The following RICTOR variants were observed in gnomAD, a reference collection of about 807,000 sequenced individuals.
RICTOR encodes the protein RPTOR independent companion of MTOR complex 2.
RICTOR carries 49 observed loss-of-function variants against 214.9 expected under a neutral mutation model. The ratio of observed to expected loss-of-function variants is 0.23; its 90% confidence interval spans 0.18 to 0.29. RICTOR has a LOEUF of 0.29. RICTOR is among the 10% of genes least tolerant of loss of function. RICTOR has a pLI of 1.00. For synonymous variants in RICTOR, 717 were observed against 711.3 expected (o/e 1.01, Z -0.13); for missense variants, 1,625 against 2,047.0 (o/e 0.79, Z 3.98).
chr5:39,003,698 C>G (rs1753818431), intron 3 of RICTOR, 76 bp from the exon 4 acceptor site: 1 of 813,240 alleles, frequency 1.2e-6, no homozygotes, highest in African/African-American at 1.8e-5. Context: ...TATATTTACA[C>G]TGGAAAATAA....
intron 6 of RICTOR, among the ~76,000 whole-genome samples, chr5:38,992,630 T>C (rs1018230150): frequency 3.3e-5 from 5 of 152,194 alleles, no homozygotes; most frequent in African/African-American, 1.2e-4. Context: ...ACTAAACATA[T>C]ACTTAATTCA....
intron 5 of RICTOR, 26 bp from the exon 6 acceptor site, chr5:38,996,908 A>G (rs1753219691): frequency 3.3e-6 from 5 of 1,537,942 alleles, no homozygotes; most frequent in Non-Finnish European, 4.5e-6. Flanking sequence ...AATATTAATC[A>G]TTGATAAAAT....
chr5:39,016,374 T>G (rs1754949006), intron 3 of RICTOR, among the ~76,000 whole-genome samples: 1 of 146,034 alleles, frequency 6.8e-6, no homozygotes, highest in Non-Finnish European at 1.5e-5. Flanking sequence ...AAGAGAAAGG[T>G]GACAAGGAAG....
At chr5:38,990,636 TGACATATATCA>T (rs1561501645) in intron 7 of RICTOR, among the ~76,000 whole-genome samples, 1 of 54,482 alleles carries the variant, frequency 1.8e-5, no homozygotes, top group Non-Finnish European at 3.9e-5. Context: ...TATATATATC[TGACATATATCA>T]GATATATGAT....
intron 16 of RICTOR, 48 bp downstream of exon 16, chr5:38,964,744 G>T: frequency 3.3e-6 from 3 of 918,374 alleles, no homozygotes; most frequent in South Asian, 1.7e-5. Flanking sequence ...AATCTAATTT[G>T]ATATTAAATA....
chr5:39,034,617 T>G (rs1385839998), intron 2 of RICTOR, among the ~76,000 whole-genome samples: 1 of 152,334 alleles, frequency 6.6e-6, no homozygotes, highest in South Asian at 2.1e-4. Flanking sequence ...ACTCACACCC[T>G]AATACTGCGC....
intron 5 of RICTOR, among the ~76,000 whole-genome samples, chr5:39,001,474 C>T (rs981174494): frequency 2.6e-5 from 4 of 152,088 alleles, no homozygotes; most frequent in African/African-American, 4.8e-5. Flanking sequence ...GACTTAAACA[C>T]GTATAAAGGA....
At chr5:39,005,023 C>T (rs1041830464) in intron 3 of RICTOR, among the ~76,000 whole-genome samples, 1 of 152,020 alleles carries the variant, frequency 6.6e-6, no homozygotes. Context: ...TCAGGTGATC[C>T]GCCCGCCTTG....
intron 6 of RICTOR, among the ~76,000 whole-genome samples, chr5:38,994,052 T>C (rs1752978076): frequency 6.6e-6 from 1 of 151,720 alleles, no homozygotes; most frequent in Non-Finnish European, 1.5e-5. Context: ...TAGCAGGGCG[T>C]GGTGGCGGGT....
At chr5:39,048,744 G>GCAA (rs2150182895) in intron 2 of RICTOR, among the ~76,000 whole-genome samples, 1 of 152,268 alleles carries the variant, frequency 6.6e-6, no homozygotes, top group South Asian at 2.1e-4. Context: ...TCTGGGACCT[G>GCAA]CAACAAAGCA....
At chr5:38,949,412 C>CT (rs1248834162) in intron 31 of RICTOR, 1 of 1,591,356 alleles carries the variant, frequency 6.3e-7, no homozygotes, top group Non-Finnish European at 8.5e-7. Flanking sequence ...CGACATGCTT[C>CT]TTTTTAAAAT....
Position 38,950,643 on chromosome 5 carries a change from C to G in RICTOR, c.3205G>C (p.Glu1069Gln), listed in dbSNP as rs1292829401. 1.2e-6 allele frequency: 2 copies of G among 1,612,484 alleles called. No individual in the cohort carries two copies. The highest frequency in any genetic ancestry group is 3.3e-5 in the Admixed American group (2 of 59,858). The change falls in exon 31 of 38, where the codon GAG (glutamate) becomes CAG (glutamine). Residue 1069 changes from glutamate (E) to glutamine (Q), a missense_variant. Coordinates refer to ENST00000357387, the MANE Select transcript of RICTOR (RefSeq NM_152756.5). ...TFFLDINEDT[E>Q]PTFYDRSGPI... ...CCAGATCGGTCATAAAATGTTGGCT[C>G]TGTATCTTCATTGATATCAAGGAAA...
At chr5:38,971,624 A>G (rs1398842025) in intron 11 of RICTOR, 1 of 249,430 alleles carries the variant, frequency 4.0e-6, no homozygotes, top group Non-Finnish European at 7.5e-6. Context: ...CTCGTGATCC[A>G]CCCACTTCGG....
chr5:39,034,808 A>G (rs999570121), intron 2 of RICTOR, among the ~76,000 whole-genome samples: 3 of 152,252 alleles, frequency 2.0e-5, no homozygotes, highest in Non-Finnish European at 4.4e-5. Context: ...AGGTAAACAA[A>G]GCAGCCCAGA....
At chr5:38,977,192 C>T (rs931241328) in intron 9 of RICTOR, among the ~76,000 whole-genome samples, 1 of 152,172 alleles carries the variant, frequency 6.6e-6, no homozygotes, top group African/African-American at 2.4e-5. Flanking sequence ...AAGAAAAAGG[C>T]ATAGCAGTTG....
chr5:39,061,794 A>AT (rs1758558521), intron 2 of RICTOR, among the ~76,000 whole-genome samples: 1 of 151,994 alleles, frequency 6.6e-6, no homozygotes, highest in Non-Finnish European at 1.5e-5. Context: ...TTTAATTTTG[A>AT]TATGAAGAAC....
rs1747562492 is a variant in RICTOR at position 38,941,433 on chromosome 5, C to T, written c.*871G>A. ...AAGTATTATTTAATGCTTTCCTATC[C>T]TTTAGGTCTAAACTAACAGTGCTTG... On this transcript the variant is annotated 3_prime_UTR_variant, in exon 38 of 38. Transcript: ENST00000357387. The T allele has an allele frequency of 4.3e-6, 1 of 231,758 alleles. No individual in the cohort carries two copies. The highest frequency in any genetic ancestry group is 2.2e-5 in the African/African-American group (1 of 45,224). 14.4% of individuals were successfully genotyped at this position (231,758 alleles called of 1,614,324 possible).
At chr5:39,023,296 C>T (rs1276433253) in intron 2 of RICTOR, among the ~76,000 whole-genome samples, 1 of 151,550 alleles carries the variant, frequency 6.6e-6, no homozygotes, top group Non-Finnish European at 1.5e-5. Flanking sequence ...CTCAAAACCA[C>T]TGACAGAGAA....
In RICTOR at chr5:38,939,192, G is replaced by C. The variant is rs1747265808; in HGVS notation, c.*3112C>G. On this transcript the variant is annotated 3_prime_UTR_variant, in exon 38 of 38. Transcript: ENST00000357387. Reference sequence around the variant, plus strand: ...GGAATAACATTTTATATAAATAGCAGTAGGAAAATGTAAATAAGCATTGAT... The same window carrying C: ...GGAATAACATTTTATATAAATAGCACTAGGAAAATGTAAATAAGCATTGAT... 2 of 232,848 alleles carry C rather than the reference G, an allele frequency of 8.6e-6. No homozygotes were observed. Among genetic ancestry groups the C allele is most frequent in the African/African-American group, 4.4e-5 (2 of 45,290 alleles). The allele number at this position is 232,848 out of a possible 1,614,324, so 14.4% of individuals were successfully genotyped here.
Sources: allele counts gnomAD v4.1 joint callset (sites outside exome capture counted in the v4.1 genomes callset), GRCh38; gene constraint gnomAD v4.1.1; transcripts MANE v1.5; gene names NCBI Gene and HGNC (gene_info 2026-07-23, HGNC 2026-07-21).